TSPEAR: variants seen among roughly 807,000 people sequenced by gnomAD.
TSPEAR encodes thrombospondin type laminin G domain and EAR repeats, also known as thrombospondin-type laminin G domain and EAR repeat-containing protein.
TSPEAR carries 69 observed loss-of-function variants against 71.6 expected under a neutral mutation model. That is an observed-to-expected ratio of 0.96 (90% CI 0.79 to 1.18). The LOEUF (loss-of-function observed/expected upper bound fraction) is 1.18. Ranked by LOEUF, TSPEAR falls within the 50% of genes most tolerant of loss-of-function variation. TSPEAR has a pLI of 0.00. For synonymous variants in TSPEAR, 402 were observed against 387.2 expected (o/e 1.04, Z -0.45); for missense variants, 971 against 894.9 (o/e 1.09, Z -1.09).
intron 1 of TSPEAR, among the ~76,000 whole-genome samples, chr21:44,705,432 G>T (rs988088702): frequency 1.3e-5 from 2 of 152,252 alleles, no homozygotes; most frequent in African/African-American, 2.4e-5. Context: ...AACTCTAACC[G>T]CCGGTGAGCC....
At chr21:44,602,951 C>G (rs1391878047) in intron 1 of TSPEAR, among the ~76,000 whole-genome samples, 1 of 152,130 alleles carries the variant, frequency 6.6e-6, no homozygotes. Context: ...TCTTGGGGAC[C>G]CTGACACAGA....
chr21:44,622,789 A>T (rs2146194802), intron 1 of TSPEAR, among the ~76,000 whole-genome samples: 1 of 152,300 alleles, frequency 6.6e-6, no homozygotes, highest in African/African-American at 2.4e-5. Flanking sequence ...TGTGAGTGAC[A>T]TGGTTTGGTT....
At position 44,703,530 on chromosome 21, in the gene TSPEAR, C is replaced by T. The variant is rs182962813; in HGVS notation, c.82+7903G>A. ...TGCAGGCACAGCTGAAGCTGAGTGT[C>T]GCTGTGGTCAACCAGCTCCTAGGTG... On this transcript the variant is annotated intron_variant, in intron 1 of 11. Coordinates refer to ENST00000323084, the MANE Select transcript of TSPEAR (RefSeq NM_144991.3). 6.6e-5 allele frequency among the ~76,000 whole-genome samples: 10 copies of T among 152,330 alleles called. No individual in the cohort carries two copies. In the South Asian group the frequency reaches 1.7e-3, roughly 25 times the overall value.
At chr21:44,708,880 G>C (rs373719576) in intron 1 of TSPEAR, among the ~76,000 whole-genome samples, 108 of 152,352 alleles carry the variant, frequency 7.1e-4, no homozygotes, top group Middle Eastern at 3.4e-3. Flanking sequence ...TCCCGGGTGG[G>C]GGCACGGCCT....
At chr21:44,538,283 C>T (rs1026181147) in intron 2 of TSPEAR, among the ~76,000 whole-genome samples, 3 of 152,276 alleles carry the variant, frequency 2.0e-5, no homozygotes, top group Non-Finnish European at 4.4e-5. Context: ...CGGCCTTTCC[C>T]ACAGGACATC....
chr21:44,694,020 G>C (rs1987224716), intron 1 of TSPEAR, among the ~76,000 whole-genome samples: 1 of 152,146 alleles, frequency 6.6e-6, no homozygotes. Flanking sequence ...AAACAGTGTG[G>C]TACTAACATA....
Position 44,700,457 on chromosome 21 carries a change from G to A in TSPEAR, c.82+10976C>T, listed in dbSNP as rs1287536472. Among the ~76,000 whole-genome samples the A allele has an allele frequency of 2.6e-5, 4 of 152,198 alleles. 1 individual carries two copies. Among genetic ancestry groups the A allele is most frequent in the African/African-American group, 9.6e-5 (4 of 41,454 alleles). On this transcript the variant is annotated intron_variant, in intron 1 of 11. Transcript: ENST00000323084. ...GAGGCCAGTCCACACGAGAAGAGCC[G>A]AGGGAGCAGAGACTTCCCAGAACCC...
intron 1 of TSPEAR, among the ~76,000 whole-genome samples, chr21:44,645,071 C>A (rs7281656): frequency 0.16 from 24,315 of 152,148 alleles, 2,149 homozygotes; most frequent in Non-Finnish European, 0.2. Flanking sequence ...TTATACCCAG[C>A]TAAACTATCA....
chr21:44,525,676 A>C lies in TSPEAR; in HGVS notation c.1313T>G (p.Leu438Arg). 6.2e-7 allele frequency: 1 copy of C among 1,614,064 alleles called. No homozygotes were observed. The highest frequency in any genetic ancestry group is 8.5e-7 in the Non-Finnish European group (1 of 1,180,006). ...ACCTTCCCGGTGGTTGGCCACCGCC[A>C]GGAAGTGCTCCCCATCCACCTCGAA... ...EAFEVDGEHFLAVANHREGDN... is the reference protein window; with the variant it reads ...EAFEVDGEHFRAVANHREGDN... The change falls in exon 8 of 12, where the codon CTG becomes CGG. Residue 438 changes from leucine to arginine, a missense_variant. Leu to Arg is a moderately radical substitution (Grantham distance 102). Transcript: ENST00000323084.
Position 44,627,326 on chromosome 21 carries a change from G to A in TSPEAR, c.83-59321C>T, listed in dbSNP as rs200905936. The A allele has an allele frequency of 5.0e-4, 806 of 1,613,062 alleles. 2 individuals carry two copies. Among genetic ancestry groups the A allele is most frequent in the African/African-American group, 9.5e-4 (71 of 75,028 alleles). The stretch of plus-strand genomic sequence containing the variant: ...ACCCTGGTCTGCACCCCAGTGAGCC[G>A]TGTATCCAGCCCCTGCTGCCAGGTG... On this transcript the variant is annotated intron_variant, in intron 1 of 11. Transcript: ENST00000323084.
At chr21:44,704,033 G>C (rs544882664) in intron 1 of TSPEAR, among the ~76,000 whole-genome samples, 1 of 152,204 alleles carries the variant, frequency 6.6e-6, no homozygotes, top group African/African-American at 2.4e-5. Context: ...CCTGGCCTCT[G>C]TCTGCCCTGG....
intron 1 of TSPEAR, chr21:44,690,450 C>G (rs1555949619): frequency 1.4e-6 from 1 of 720,814 alleles, no homozygotes; most frequent in Non-Finnish European, 1.7e-6. Flanking sequence ...TCCAGAAAAT[C>G]AAACAAACAA....
chr21:44,567,925 C>T lies in TSPEAR; in HGVS notation c.163G>A (p.Gly55Ser), dbSNP rs1281895404. 8.1e-6 allele frequency: 13 copies of T among 1,603,356 alleles called. No homozygotes were observed. Among genetic ancestry groups the T allele is most frequent in the African/African-American group, 4.0e-5 (3 of 74,612 alleles). Residue 55 changes from glycine (G) to serine (S), a missense_variant, in exon 2 of 12, where the codon GGT becomes AGT. Transcript: ENST00000323084. ...TSGIRIVQVH[G>S]ARGLQLSVAA... ...ACTGAGAGCTGGAGTCCCCGTGCAC[C>T]GTGAACCTGAACTATCCTGATCCCG...
At chr21:44,513,611 G>T (rs1267177088) in intron 9 of TSPEAR, among the ~76,000 whole-genome samples, 3 of 152,218 alleles carry the variant, frequency 2.0e-5, no homozygotes, top group Non-Finnish European at 2.9e-5. Flanking sequence ...GTGCTTCCGG[G>T]ACTTGGCAGC....
At chr21:44,542,761 AAAAG>A (rs1239671263) in intron 2 of TSPEAR, among the ~76,000 whole-genome samples, 5 of 150,828 alleles carry the variant, frequency 3.3e-5, no homozygotes, top group African/African-American at 7.3e-5. Context: ...AAAAAAAAGA[AAAAG>A]AAAAGAAAAA....
intron 1 of TSPEAR, chr21:44,575,292 C>A: frequency 2.1e-6 from 1 of 481,514 alleles, no homozygotes; most frequent in South Asian, 2.8e-5. Flanking sequence ...GGTCTCTGTC[C>A]TCCTGGCTCA....
At position 44,567,506 on chromosome 21, in the gene TSPEAR, C is replaced by T. The variant is rs233327; in HGVS notation, c.303+279G>A. Among the ~76,000 whole-genome samples the T allele has an allele frequency of 3.3e-3, 508 of 152,232 alleles. 2 individuals are homozygous for T. Among genetic ancestry groups the T allele is most frequent in the Non-Finnish European group, 5.7e-3 (385 of 68,014 alleles). On this transcript the variant is annotated intron_variant, in intron 2 of 11. Coordinates refer to ENST00000323084, the MANE Select transcript of TSPEAR (RefSeq NM_144991.3). ...TTTTTAGATGTGATTTTATTGTTAG[C>T]GCTTCCTGCCAAAGGATGTCAACAT...
intron 1 of TSPEAR, among the ~76,000 whole-genome samples, chr21:44,673,426 T>C (rs1447333030): frequency 6.6e-6 from 1 of 152,202 alleles, no homozygotes; most frequent in Non-Finnish European, 1.5e-5. Flanking sequence ...TAAATCTATA[T>C]GCACCCAATA....
chr21:44,611,948 T>C (rs1338328921), intron 1 of TSPEAR: 1 of 785,982 alleles, frequency 1.3e-6, no homozygotes, highest in African/African-American at 1.7e-5. Flanking sequence ...TAGGGTTGCC[T>C]GGAGGCAAAG....
Sources: gnomAD v4.1 joint callset for allele counts (sites outside exome capture counted in the v4.1 genomes callset) on GRCh38, gnomAD v4.1.1 for gene constraint, MANE v1.5 for transcripts, NCBI Gene and HGNC (gene_info 2026-07-23, HGNC 2026-07-21) for gene names.